Variants in TESK2 observed in about 807,000 individuals in gnomAD.
The protein encoded by TESK2 is testis associated actin remodelling kinase 2.
Under a neutral mutation model 57.1 loss-of-function variants are expected in TESK2, and 39 were observed. The ratio of observed to expected loss-of-function variants is 0.68; its 90% CI spans 0.53 to 0.89. TESK2 has a LOEUF of 0.89. Ranked by LOEUF, TESK2 falls within the 40% of genes least tolerant of loss-of-function variation. TESK2 has a pLI of 0.00. For missense variants in TESK2, 646 were observed against 732.1 expected (o/e 0.88, Z 1.36); for synonymous variants, 249 against 267.9 (o/e 0.93, Z 0.69).
intron 3 of TESK2, among the ~76,000 whole-genome samples, chr1:45,417,701 C>T (rs1650300097): frequency 6.6e-6 from 1 of 152,016 alleles, no homozygotes; most frequent in Admixed American, 6.6e-5. Flanking sequence ...ACGCCATTCT[C>T]CTGTCTCAGC....
chr1:45,443,110 C>T (rs11211111), intron 2 of TESK2, among the ~76,000 whole-genome samples: 37,571 of 152,020 alleles, frequency 0.25, 4,787 homozygotes, highest in East Asian at 0.36. Context: ...AAGCTAAACA[C>T]ACTTAAAAGA....
chr1:45,381,579 G>C (rs1443877159), intron 4 of TESK2, among the ~76,000 whole-genome samples: 3 of 152,182 alleles, frequency 2.0e-5, no homozygotes, highest in Non-Finnish European at 4.4e-5. Context: ...GCCTAGAGCA[G>C]ACCACCAGCT....
intron 1 of TESK2, among the ~76,000 whole-genome samples, chr1:45,481,356 C>A (rs889587360): frequency 1.3e-5 from 2 of 151,924 alleles, no homozygotes; most frequent in Non-Finnish European, 2.9e-5. Context: ...CAGAGCAACA[C>A]TCCGTCTCAA....
rs1451934247 is a variant in TESK2, at chr1:45,352,115, G to A, written c.540+3188C>T. Among the ~76,000 whole-genome samples the A allele has an allele frequency of 4.6e-5, 7 of 152,102 alleles. No homozygotes were observed. In the East Asian group the frequency reaches 7.7e-4, roughly 17 times the overall value. ...TGATAAAAGGGCAATGAACACAGACGGTATCTCAAATTGGACAGTCTGGTT... is the reference window on the plus strand; with the variant it reads ...TGATAAAAGGGCAATGAACACAGACAGTATCTCAAATTGGACAGTCTGGTT... On this transcript the variant is annotated intron_variant, in intron 5 of 10. Transcript: ENST00000372086.
chr1:45,407,195 C>T (rs956119694), intron 3 of TESK2, among the ~76,000 whole-genome samples: 6 of 152,068 alleles, frequency 3.9e-5, no homozygotes, highest in Admixed American at 6.6e-5. Context: ...AAGAGATCCT[C>T]CCACCTCAGC....
At chr1:45,430,579 T>C (rs1570722364) in intron 2 of TESK2, among the ~76,000 whole-genome samples, 1 of 152,224 alleles carries the variant, frequency 6.6e-6, no homozygotes, top group East Asian at 1.9e-4. Flanking sequence ...CTCTCTGATC[T>C]CTTTGCCTTT....
At chr1:45,436,910 G>A (rs912254475) in intron 2 of TESK2, among the ~76,000 whole-genome samples, 12 of 150,356 alleles carry the variant, frequency 8.0e-5, no homozygotes, top group South Asian at 4.2e-4. Context: ...CGATCCTCCC[G>A]CCTCAGCTTC....
intron 4 of TESK2, among the ~76,000 whole-genome samples, chr1:45,374,752 C>T (rs978875505): frequency 6.6e-6 from 1 of 152,148 alleles, no homozygotes; most frequent in Non-Finnish European, 1.5e-5. Flanking sequence ...ACTCGAATGT[C>T]CAATAAATAT....
chr1:45,469,042 C>T (rs573842862), intron 1 of TESK2, among the ~76,000 whole-genome samples: 9 of 152,154 alleles, frequency 5.9e-5, no homozygotes, highest in African/African-American at 2.2e-4. Flanking sequence ...AAAACTTTTT[C>T]TTTTCTACAT....
rs574175716 is a variant in TESK2, at chr1:45,433,925, G to A, written c.223-12079C>T. Among the ~76,000 whole-genome samples the A allele has an allele frequency of 7.2e-5, 11 of 151,908 alleles. No homozygotes were observed. In the East Asian group the frequency reaches 1.2e-3, roughly 16 times the overall value. On this transcript the variant is annotated intron_variant, in intron 2 of 10. Coordinates refer to ENST00000372086, the MANE Select transcript of TESK2 (RefSeq NM_007170.3). The stretch of plus-strand genomic sequence containing the variant: ...CCAAGAATATAAGAGTTCCCTTTAC[G>A]CTGTATCTTCATCAGATCTGGTTTG...
chr1:45,368,530 C>T (rs1486428365), intron 4 of TESK2, among the ~76,000 whole-genome samples: 1 of 151,578 alleles, frequency 6.6e-6, no homozygotes, highest in Non-Finnish European at 1.5e-5. Flanking sequence ...CCTGCCACCA[C>T]GCCCGGCTAA....
chr1:45,453,468 C>T (rs1651957824), intron 2 of TESK2, among the ~76,000 whole-genome samples: 1 of 151,718 alleles, frequency 6.6e-6, no homozygotes, highest in Non-Finnish European at 1.5e-5. Context: ...ACAAATGGTG[C>T]TTGTAAAATT....
chr1:45,385,372 G>A lies in TESK2; in HGVS notation c.393+540C>T, dbSNP rs79233438. 362 of 984,230 alleles carry A rather than the reference G, an allele frequency of 3.7e-4. 3 individuals are homozygous for A. In the East Asian group the frequency reaches 0.011, roughly 30 times the overall value. 61.0% of individuals were successfully genotyped at this position (984,230 alleles called of 1,614,324 possible). ...TCACATATTCCGCCTAGCAGAGGCTGGAAATGAAACGAGAATGAAGATGTA... is the reference window on the plus strand; with the variant it reads ...TCACATATTCCGCCTAGCAGAGGCTAGAAATGAAACGAGAATGAAGATGTA... On this transcript the variant is annotated intron_variant, in intron 4 of 10. Coordinates refer to ENST00000372086, the MANE Select transcript of TESK2 (RefSeq NM_007170.3).
At chr1:45,404,824 T>C (rs1332055953) in intron 3 of TESK2, among the ~76,000 whole-genome samples, 5 of 152,104 alleles carry the variant, frequency 3.3e-5, no homozygotes, top group Admixed American at 1.3e-4. Context: ...ATTACAGGCC[T>C]GAGCCACCAC....
chr1:45,397,120 G>A (rs1379231965), intron 3 of TESK2, among the ~76,000 whole-genome samples: 2 of 152,110 alleles, frequency 1.3e-5, no homozygotes, highest in East Asian at 3.8e-4. Context: ...CACCCAGCCT[G>A]GTATCAGCTA....
chr1:45,468,533 G>A (rs1652644470), intron 1 of TESK2, among the ~76,000 whole-genome samples: 1 of 152,030 alleles, frequency 6.6e-6, no homozygotes, highest in Non-Finnish European at 1.5e-5. Flanking sequence ...TATAAAATGT[G>A]GGAATGATTA....
At chr1:45,438,475 G>C (rs182957616) in intron 2 of TESK2, among the ~76,000 whole-genome samples, 2 of 152,182 alleles carry the variant, frequency 1.3e-5, no homozygotes, top group South Asian at 2.1e-4. Flanking sequence ...CAGCCTCAGC[G>C]ACAGAGTAAG....
chr1:45,355,517 G>A lies in TESK2; in HGVS notation c.394-68C>T, dbSNP rs866737096. 9.1e-6 allele frequency: 14 copies of A among 1,533,202 alleles called. No homozygotes were observed. The Middle Eastern group carries it at 5.2e-4, about 57-fold the overall frequency. 95.0% of individuals were successfully genotyped at this position (1,533,202 alleles called of 1,614,324 possible). The stretch of plus-strand genomic sequence containing the variant: ...ATTTAGGCTAGTGGTGAAACCATTA[G>A]AGAGTAAACACCTGGAAGAGAGAGA... On this transcript the variant is annotated intron_variant, in intron 4 of 10. Transcript: ENST00000372086.
At chr1:45,463,814 C>G (rs1446286031) in intron 1 of TESK2, among the ~76,000 whole-genome samples, 1 of 152,072 alleles carries the variant, frequency 6.6e-6, no homozygotes, top group East Asian at 1.9e-4. Context: ...ATCTCAAACT[C>G]CTAGGCTCAA....
Sources: gnomAD v4.1 joint callset for allele counts (sites outside exome capture counted in the v4.1 genomes callset) on GRCh38, gnomAD v4.1.1 for gene constraint, MANE v1.5 for transcripts, NCBI Gene and HGNC (gene_info 2026-07-23, HGNC 2026-07-21) for gene names.